The following TANGO6 variants were observed in gnomAD, a reference collection of about 807,000 sequenced individuals.
TANGO6 encodes the protein transport and Golgi organization protein 6 homolog.
In TANGO6, 90 loss-of-function variants were observed where a neutral mutation model predicts 114.2. The observed-to-expected ratio is 0.79, with a 90% CI of 0.66 to 0.94. The LOEUF is 0.94. Among genes scored for constraint, TANGO6 ranks in the 40% least tolerant of loss-of-function variants. The probability of loss-of-function intolerance (pLI) is 0.00; values close to 1 mark genes in which losing one functional copy is unlikely to be tolerated. For missense variants in TANGO6, 1,274 were observed against 1,315.3 expected (o/e 0.97, Z 0.49); for synonymous variants, 477 against 509.8 (o/e 0.94, Z 0.87).
At chr16:69,062,046 C>T (rs2152240407) in intron 17 of TANGO6, among the ~76,000 whole-genome samples, 1 of 152,182 alleles carries the variant, frequency 6.6e-6, no homozygotes, top group South Asian at 2.1e-4. Flanking sequence ...GAATGCATTT[C>T]GGTAGCCTGT....
At chr16:68,893,142 T>C in intron 7 of TANGO6, among the ~76,000 whole-genome samples, 1 of 152,166 alleles carries the variant, frequency 6.6e-6, no homozygotes, top group Admixed American at 6.6e-5. Flanking sequence ...TGGTTAATTT[T>C]TTTCAACTAG....
At chr16:69,028,856 C>CAAAA (rs397761274) in intron 16 of TANGO6, among the ~76,000 whole-genome samples, 2 of 65,548 alleles carry the variant, frequency 3.1e-5, no homozygotes, top group Non-Finnish European at 3.4e-5. Context: ...CCCAGTTTAA[C>CAAAA]AAAAAAAAAA....
At chr16:69,055,723 G>A (rs569259636) in intron 17 of TANGO6, among the ~76,000 whole-genome samples, 3 of 152,346 alleles carry the variant, frequency 2.0e-5, no homozygotes, top group African/African-American at 7.2e-5. Flanking sequence ...TCCACGTGAT[G>A]TTAGTGATGG....
intron 1 of TANGO6, among the ~76,000 whole-genome samples, chr16:68,847,831 C>A (rs576460447): frequency 6.6e-6 from 1 of 152,114 alleles, no homozygotes; most frequent in Non-Finnish European, 1.5e-5. Flanking sequence ...GAAACCCCGT[C>A]TCTACTAAAA....
intron 11 of TANGO6, among the ~76,000 whole-genome samples, chr16:68,917,124 GC>G (rs1345801586): frequency 6.6e-5 from 10 of 152,180 alleles, no homozygotes; most frequent in African/African-American, 2.4e-4. Context: ...CCATAGTTTT[GC>G]CTTTTCCAAA....
At chr16:68,878,656 C>G (rs1264685136) in intron 6 of TANGO6, among the ~76,000 whole-genome samples, 2 of 152,138 alleles carry the variant, frequency 1.3e-5, no homozygotes, top group African/African-American at 4.8e-5. Flanking sequence ...AAGGCGATTA[C>G]CACACTCAGG....
chr16:68,965,413 G>A lies in TANGO6; in HGVS notation c.2702-8615G>A, dbSNP rs925099395. 4.3e-4 allele frequency among the ~76,000 whole-genome samples: 66 copies of A among 152,198 alleles called. 1 individual carries two copies. Among genetic ancestry groups the A allele is most frequent in the African/African-American group, 1.5e-3 (61 of 41,452 alleles). ...TCACCCTGCAGGGGCAACCAAAACA[G>A]ATTCGGATACAAAAGGAAGCTGATA... On this transcript the variant is annotated intron_variant, in intron 14 of 17. Transcript: ENST00000261778.
intron 15 of TANGO6, among the ~76,000 whole-genome samples, chr16:69,019,361 C>T (rs983696651): frequency 2.6e-5 from 4 of 152,152 alleles, no homozygotes; most frequent in Admixed American, 6.5e-5. Context: ...TTAGTTTTGG[C>T]AGCATACGTT....
At chr16:68,923,769 A>G (rs1438102146) in intron 12 of TANGO6, among the ~76,000 whole-genome samples, 1 of 152,210 alleles carries the variant, frequency 6.6e-6, no homozygotes, top group Non-Finnish European at 1.5e-5. Context: ...AAAGGAAGAA[A>G]GGAAAGGTGA....
At chr16:68,846,394 TGAA>T (rs1961804815) in intron 1 of TANGO6, 2 of 213,198 alleles carry the variant, frequency 9.4e-6, no homozygotes, top group Admixed American at 6.1e-5. Flanking sequence ...TTGTTTTGAC[TGAA>T]GTACATGAAG....
At chr16:68,996,716 T>C (rs907975267) in intron 15 of TANGO6, among the ~76,000 whole-genome samples, 14 of 151,688 alleles carry the variant, frequency 9.2e-5, no homozygotes, top group African/African-American at 3.2e-4. Flanking sequence ...TTTAAGGAGG[T>C]CAAATATGTA....
intron 17 of TANGO6, among the ~76,000 whole-genome samples, chr16:69,072,659 T>C (rs1471668897): frequency 6.6e-6 from 1 of 152,134 alleles, no homozygotes; most frequent in Non-Finnish European, 1.5e-5. Context: ...CAGGATGGGT[T>C]GCTAAGATAG....
chr16:68,862,059 A>G (rs879724328), intron 2 of TANGO6, among the ~76,000 whole-genome samples: 1 of 150,946 alleles, frequency 6.6e-6, no homozygotes, highest in African/African-American at 2.4e-5. Flanking sequence ...ATTTTTTGAG[A>G]CGGAGCCTTG....
intron 16 of TANGO6, among the ~76,000 whole-genome samples, chr16:69,028,869 A>G (rs965535857): frequency 4.0e-5 from 6 of 150,596 alleles, no homozygotes; most frequent in Non-Finnish European, 7.4e-5. Flanking sequence ...AAAAAAAAAA[A>G]AAAAAGAAAA....
At chr16:68,914,164 A>G (rs1446251890) in intron 11 of TANGO6, among the ~76,000 whole-genome samples, 1 of 152,012 alleles carries the variant, frequency 6.6e-6, no homozygotes, top group African/African-American at 2.4e-5. Flanking sequence ...AATGTTTAAT[A>G]TTATTATTAT....
At chr16:69,063,835 A>G (rs576888185) in intron 17 of TANGO6, among the ~76,000 whole-genome samples, 1 of 136,008 alleles carries the variant, frequency 7.4e-6, no homozygotes, top group Non-Finnish European at 1.6e-5. Flanking sequence ...TATTATTATT[A>G]TTATTATTAT....
intron 14 of TANGO6, among the ~76,000 whole-genome samples, chr16:68,971,651 G>A (rs975920901): frequency 6.6e-6 from 1 of 151,146 alleles, no homozygotes; most frequent in South Asian, 2.1e-4. Context: ...TTTTTTTTGA[G>A]ACAGAGTTTC....
chr16:69,074,249 G>C (rs992839374), intron 17 of TANGO6, among the ~76,000 whole-genome samples: 3 of 151,836 alleles, frequency 2.0e-5, no homozygotes, highest in African/African-American at 4.8e-5. Context: ...ACAACAAGAA[G>C]AAAGTACCAT....
intron 17 of TANGO6, among the ~76,000 whole-genome samples, chr16:69,077,256 A>G (rs13335691): frequency 0.024 from 3,605 of 151,562 alleles, 145 homozygotes; most frequent in African/African-American, 0.082. Context: ...AGGTCCTGCT[A>G]TGTTACCCAG....
Sources: allele counts gnomAD v4.1 joint callset (sites outside exome capture counted in the v4.1 genomes callset), GRCh38; gene constraint gnomAD v4.1.1; transcripts MANE v1.5; gene names NCBI Gene and HGNC (gene_info 2026-07-23, HGNC 2026-07-21).